Variants in PCSK2 observed in about 807,000 individuals in gnomAD.
PCSK2 encodes proprotein convertase subtilisin/kexin type 2, also known as neuroendocrine convertase 2.
Under a neutral mutation model 69.7 loss-of-function variants are expected in PCSK2, and 14 were observed. The ratio of observed to expected loss-of-function variants is 0.20; its 90% CI spans 0.13 to 0.31. The LOEUF (loss-of-function observed/expected upper bound fraction) is 0.31, where lower values mean the gene tolerates loss of function less well. Ranked by LOEUF, PCSK2 falls within the 10% of genes least tolerant of loss-of-function variation. PCSK2 has a pLI of 1.00. For synonymous variants in PCSK2, 307 were observed against 320.7 expected (o/e 0.96, Z 0.46); for missense variants, 544 against 842.5 (o/e 0.65, Z 4.39).
At chr20:17,343,634 T>G (rs888000733) in intron 2 of PCSK2, among the ~76,000 whole-genome samples, 1 of 152,248 alleles carries the variant, frequency 6.6e-6, no homozygotes, top group Non-Finnish European at 1.5e-5. Flanking sequence ...AAATGAAAGT[T>G]GTTAATAAGC....
rs148363985 is a variant in PCSK2 at position 17,329,609 on chromosome 20, C to T, written c.283-28718C>T. Reference sequence around the variant, plus strand: ...AGACGGTCACCAAGTTTAAAAACTTCGCTCTCTCAGCTAACACGTGCATAT... The same window carrying T: ...AGACGGTCACCAAGTTTAAAAACTTTGCTCTCTCAGCTAACACGTGCATAT... On this transcript the variant is annotated intron_variant, in intron 2 of 11. Coordinates refer to ENST00000262545, the MANE Select transcript of PCSK2 (RefSeq NM_002594.5). Among the ~76,000 whole-genome samples the T allele has an allele frequency of 1.3e-4, 20 of 152,308 alleles. No individual in the cohort carries two copies. In the East Asian group the frequency reaches 3.5e-3, roughly 26 times the overall value.
chr20:17,275,637 T>A (rs1988039693), intron 2 of PCSK2, among the ~76,000 whole-genome samples: 3 of 152,162 alleles, frequency 2.0e-5, no homozygotes, highest in Admixed American at 2.0e-4. Flanking sequence ...AATAAAATTA[T>A]CTTTAAAAAC....
In PCSK2 at chr20:17,453,876, T is replaced by C. The variant is rs1600592786; in HGVS notation, c.1020T>C (p.Thr340=). The C allele has an allele frequency of 1.2e-6, 2 of 1,614,284 alleles. No individual in the cohort carries two copies. The highest frequency in any genetic ancestry group is 2.2e-5 in the South Asian group (2 of 91,088). The change falls in exon 9 of 12, where the codon ACT becomes ACC. Residue 340 remains threonine (T), a synonymous_variant. Coordinates refer to ENST00000262545, the MANE Select transcript of PCSK2 (RefSeq NM_002594.5). The surrounding 1 kb of genome is among the most constrained non-coding windows in gnomAD (Gnocchi z 4.0). ...SINSAINDGR[T]ALYDESCSST... is the part of the protein sequence containing the mutation. ...ACTCAGCCATCAACGACGGCAGGAC[T>C]GCCCTGTACGACGAGAGCTGCTCTT...
At chr20:17,249,210 A>T (rs1246734047) in intron 1 of PCSK2, among the ~76,000 whole-genome samples, 2 of 152,194 alleles carry the variant, frequency 1.3e-5, no homozygotes, top group African/African-American at 2.4e-5. Flanking sequence ...TTTAGACTTT[A>T]AAAATGTTGC....
intron 6 of PCSK2, among the ~76,000 whole-genome samples, chr20:17,422,888 G>A (rs2032163214): frequency 2.0e-5 from 3 of 152,128 alleles, no homozygotes; most frequent in African/African-American, 7.2e-5. Context: ...GGAAATGATG[G>A]AGTGAAGGTA....
chr20:17,360,675 T>C (rs1258593013), intron 4 of PCSK2, 35 bp downstream of exon 4: 1 of 1,273,864 alleles, frequency 7.9e-7, no homozygotes, highest in African/African-American at 1.5e-5. Context: ...CATTTGGAAA[T>C]AAGCGTGCCT....
chr20:17,302,252 C>A (rs1989109347), intron 2 of PCSK2, among the ~76,000 whole-genome samples: 1 of 152,186 alleles, frequency 6.6e-6, no homozygotes, highest in Non-Finnish European at 1.5e-5. Flanking sequence ...ATCCACTCAA[C>A]AACTCCCTCC....
chr20:17,337,335 G>A lies in PCSK2; in HGVS notation c.283-20992G>A, dbSNP rs201655700. ...ATTACTGCTTTCAACAGAATATGAC[G>A]AAAACCACAGTGGGGCATTCTTGGG... On this transcript the variant is annotated intron_variant, in intron 2 of 11. Transcript: ENST00000262545. 1.8e-4 allele frequency among the ~76,000 whole-genome samples: 27 copies of A among 152,274 alleles called. No individual in the cohort carries two copies. The East Asian group carries it at 5.0e-3, about 28-fold the overall frequency.
intron 2 of PCSK2, among the ~76,000 whole-genome samples, chr20:17,342,396 C>T (rs1002098213): frequency 6.6e-6 from 1 of 152,180 alleles, no homozygotes; most frequent in African/African-American, 2.4e-5. Context: ...CCGTGCACTG[C>T]ACCCTCCACC....
chr20:17,250,528 G>A (rs1032597544), intron 1 of PCSK2, among the ~76,000 whole-genome samples: 4 of 151,980 alleles, frequency 2.6e-5, no homozygotes, highest in African/African-American at 4.8e-5. Flanking sequence ...GTTTATTATT[G>A]TATCTCACCT....
At chr20:17,384,894 C>T (rs1168897648) in intron 5 of PCSK2, among the ~76,000 whole-genome samples, 3 of 152,126 alleles carry the variant, frequency 2.0e-5, no homozygotes, top group Non-Finnish European at 4.4e-5. Flanking sequence ...CACCACTGCA[C>T]TCCAGCCTGG....
intron 2 of PCSK2, among the ~76,000 whole-genome samples, chr20:17,326,545 T>C (rs1187047406): frequency 6.6e-6 from 1 of 152,252 alleles, no homozygotes; most frequent in Non-Finnish European, 1.5e-5. Flanking sequence ...TGGCAGATGT[T>C]AATAACAGGG....
At chr20:17,374,949 T>C (rs2030879878) in intron 5 of PCSK2, among the ~76,000 whole-genome samples, 1 of 152,190 alleles carries the variant, frequency 6.6e-6, no homozygotes, top group African/African-American at 2.4e-5. Flanking sequence ...TAGTGGAAAC[T>C]GAGTCAAAGC....
rs188714888 is a variant in PCSK2, at chr20:17,260,014, T to C, written c.178-226T>C. Among the ~76,000 whole-genome samples, 3 of 152,104 alleles carry C rather than the reference T, an allele frequency of 2.0e-5. No individual in the cohort carries two copies. In the East Asian group the frequency reaches 5.8e-4, roughly 29 times the overall value. ...AATGGGGGAAAGAATAGAAGGTATT[T>C]GGGGAGCAGGAGGAGAGTGGACACC... On this transcript the variant is annotated intron_variant, in intron 1 of 11. Coordinates refer to ENST00000262545, the MANE Select transcript of PCSK2 (RefSeq NM_002594.5).
chr20:17,337,454 G>C (rs1050623019), intron 2 of PCSK2, among the ~76,000 whole-genome samples: 1 of 152,176 alleles, frequency 6.6e-6, no homozygotes, highest in Non-Finnish European at 1.5e-5. Flanking sequence ...TCAGCACTTG[G>C]TTGGAAGAAG....
intron 2 of PCSK2, among the ~76,000 whole-genome samples, chr20:17,270,632 C>A (rs575532728): frequency 6.6e-6 from 1 of 152,068 alleles, no homozygotes; most frequent in Non-Finnish European, 1.5e-5. Flanking sequence ...GTTTTCCATT[C>A]CCCCTGAAAA....
chr20:17,392,868 A>C (rs934700377), intron 5 of PCSK2, among the ~76,000 whole-genome samples: 35 of 152,064 alleles, frequency 2.3e-4, no homozygotes, highest in African/African-American at 8.2e-4. Flanking sequence ...ATTATAAATA[A>C]AATCGTTATA....
Position 17,482,837 on chromosome 20 carries a change from T to G in PCSK2, c.*767T>G, listed in dbSNP as rs2033433733. The G allele has an allele frequency of 1.3e-5, 2 of 152,394 alleles. No homozygotes were observed. Among genetic ancestry groups the G allele is most frequent in the African/African-American group, 4.8e-5 (2 of 41,434 alleles). The allele number at this position is 152,394 out of a possible 1,614,324, so 9.4% of individuals were successfully genotyped here. A position where few individuals can be genotyped will look rare whatever the true frequency, so the allele number is the denominator to read the frequency against. On this transcript the variant is annotated 3_prime_UTR_variant, in exon 12 of 12. Transcript: ENST00000262545. ...AGAGCAGCCCAAATTTTTCTCAGTT[T>G]GTATAGAGTTCATCCCAGCCCCAAT...
intron 2 of PCSK2, among the ~76,000 whole-genome samples, chr20:17,352,463 AGTAATCAAAGCAGCATGGTAGTG>A (rs1403259453): frequency 6.6e-6 from 1 of 152,244 alleles, no homozygotes; most frequent in East Asian, 1.9e-4. Flanking sequence ...GTAAGCCTAC[AGTAATCAAAGCAGCATGGTAGTG>A]GTACAAAAAC....
Sources: allele counts gnomAD v4.1 joint callset (sites outside exome capture counted in the v4.1 genomes callset), GRCh38; gene constraint gnomAD v4.1.1; non-coding constraint Gnocchi (gnomAD v3.1); transcripts MANE v1.5; gene names NCBI Gene and HGNC (gene_info 2026-07-23, HGNC 2026-07-21).